ZSWIM8: variants seen among roughly 807,000 people sequenced by gnomAD.
ZSWIM8 encodes zinc finger SWIM-type containing 8, also known as zinc finger SWIM domain-containing protein 8.
Under a neutral mutation model 173.7 loss-of-function variants are expected in ZSWIM8, and 27 were observed. The ratio of observed to expected loss-of-function variants is 0.16; its 90% CI spans 0.11 to 0.21. The LOEUF (loss-of-function observed/expected upper bound fraction) is 0.21, where lower values mean the gene tolerates loss of function less well. Ranked by LOEUF, ZSWIM8 falls within the 10% of genes least tolerant of loss-of-function variation. The probability of loss-of-function intolerance (pLI) is 1.00; values close to 1 mark genes in which losing one functional copy is unlikely to be tolerated. For synonymous variants in ZSWIM8, 958 were observed against 962.0 expected, an observed-to-expected ratio of 1.00 and a Z score of 0.08; for missense variants, 1,627 against 2,428.8, an observed-to-expected ratio of 0.67 and a Z score of 6.94.
intron 15 of ZSWIM8, among the ~76,000 whole-genome samples, chr10:73,796,086 G>T (rs1382789679): frequency 6.6e-6 from 1 of 151,990 alleles, no homozygotes; most frequent in Non-Finnish European, 1.5e-5. Context: ...TTTTAGGCTG[G>T]GTGCAGTGGC....
chr10:73,796,035 A>G (rs2083635479), intron 15 of ZSWIM8, among the ~76,000 whole-genome samples: 3 of 148,908 alleles, frequency 2.0e-5, no homozygotes, highest in Admixed American at 1.3e-4. Flanking sequence ...ACATTTTACT[A>G]CCTTTCTCAG....
chr10:73,792,988 G>A lies in ZSWIM8; in HGVS notation c.2313+136G>A. 9.3e-7 allele frequency: 1 copy of A among 1,069,868 alleles called. No homozygotes were observed. The highest frequency in any genetic ancestry group is 1.3e-6 in the Non-Finnish European group (1 of 760,088). 66.3% of individuals were successfully genotyped at this position (1,069,868 alleles called of 1,614,324 possible). A position where few individuals can be genotyped will look rare whatever the true frequency, so the allele number is the denominator to read the frequency against. ...TTGCAGGCGCCGAACTGGTCTCCCT[G>A]CTTTCAGTCTACTCACTTTTCTGCT... On this transcript the variant is annotated intron_variant, in intron 10 of 25. Coordinates refer to ENST00000604729, the MANE Select transcript of ZSWIM8 (RefSeq NM_001367799.1). The surrounding 1 kb of genome is among the most constrained non-coding windows in gnomAD (Gnocchi z 4.3).
intron 20 of ZSWIM8, 102 bp from the exon 21 acceptor site, chr10:73,798,900 C>T: frequency 6.8e-7 from 1 of 1,468,902 alleles, no homozygotes; most frequent in Non-Finnish European, 9.2e-7. Flanking sequence ...TGATGATTCC[C>T]TGGGAATGAG....
At position 73,791,587 on chromosome 10, in the gene ZSWIM8, AC is replaced by A; in HGVS notation, c.1319+90del. The A allele has an allele frequency of 7.1e-7, 1 of 1,398,848 alleles. No individual in the cohort carries two copies. The highest frequency in any genetic ancestry group is 9.5e-7 in the Non-Finnish European group (1 of 1,054,910). The allele number at this position is 1,398,848 out of a possible 1,614,324, so 86.7% of individuals were successfully genotyped here. The stretch of plus-strand genomic sequence containing the variant: ...TTCATCTCCTTGTTTGCAGAGACAT[AC>A]CATGATTTTAGTCCTCGGGAAACGG... On this transcript the variant is annotated intron_variant, in intron 9 of 25. Coordinates refer to ENST00000604729, the MANE Select transcript of ZSWIM8 (RefSeq NM_001367799.1). This position sits in a 1 kb window ranked among gnomAD's most constrained non-coding sequence, Gnocchi z 6.0.
Position 73,795,558 on chromosome 10 carries a change from C to T in ZSWIM8, c.2928C>T (p.Ser976=), listed in dbSNP as rs529747764. 1.1e-4 allele frequency: 173 copies of T among 1,613,884 alleles called. 2 individuals are homozygous for T. The South Asian group carries it at 1.7e-3, about 16-fold the overall frequency. The change falls in exon 15 of 26, where the codon AGC becomes AGT. Residue 976 remains serine, a synonymous_variant. Transcript: ENST00000604729. ...TCGCAGGCATGAAGACAACAGTGAG[C>T]GAGGCAGAACATCCCCTCTTATGTG... is the stretch of plus-strand genomic sequence containing the variant. ...VAALGMKTTV[S]EAEHPLLCEG... is the part of the protein sequence containing the mutation.
chr10:73,786,147 G>C, intron 1 of ZSWIM8, 61 bp downstream of exon 1: 1 of 1,434,362 alleles, frequency 7.0e-7, no homozygotes. Flanking sequence ...CTCGGGAGCT[G>C]TCCGGGACCA....
Position 73,801,458 on chromosome 10 carries a change from G to C in ZSWIM8, c.5444G>C (p.Ser1815Thr). ...GACATCCTACAGAACCTCAAGCGCAGCAAACAGACCAAGGAGCTGTGGCAG... is the reference window on the plus strand; with the variant it reads ...GACATCCTACAGAACCTCAAGCGCACCAAACAGACCAAGGAGCTGTGGCAG... The part of the protein sequence containing the change: ...FNDILQNLKR[S>T]KQTKELWQRV... Residue 1815 changes from serine to threonine, a missense_variant, in exon 26 of 26, where the codon AGC becomes ACC. Physicochemically the swap from Ser to Thr is moderately conservative, Grantham distance 58. Transcript: ENST00000604729. The surrounding 1 kb of genome is among the most constrained non-coding windows in gnomAD (Gnocchi z 4.9). 6.2e-7 allele frequency: 1 copy of C among 1,613,978 alleles called. No individual in the cohort carries two copies. The highest frequency in any genetic ancestry group is 8.5e-7 in the Non-Finnish European group (1 of 1,179,878).
intron 14 of ZSWIM8, 147 bp from the exon 15 acceptor site, chr10:73,795,392 T>C (rs2083592208): frequency 8.0e-7 from 1 of 1,248,490 alleles, no homozygotes; most frequent in Middle Eastern, 2.2e-4. Context: ...GATATAATAG[T>C]CAACGAAGAC....
At chr10:73,793,054 G>A (rs1436851932) in intron 10 of ZSWIM8, among the ~76,000 whole-genome samples, 2 of 152,200 alleles carry the variant, frequency 1.3e-5, no homozygotes, top group Non-Finnish European at 2.9e-5. Context: ...TCACTCTGCT[G>A]CTTAAAACCC....
Position 73,792,049 on chromosome 10 carries a change from C to G in ZSWIM8, c.1510C>G (p.Leu504Val). ...GVTYSGTDRK[L>V]ALCWARALPS... ...CACCTACAGCGGCACTGACAGGAAG[C>G]TGGCACTGTGCTGGGCCCGGGCCCT... Residue 504 changes from leucine (L) to valine (V), a missense_variant, in exon 10 of 26, where the codon CTG becomes GTG. Leu to Val is a conservative substitution (Grantham distance 32). Around this residue, in one of 18 missense-constraint regions of ZSWIM8, gnomAD observed 383 missense variants for 394.8 expected, o/e 0.97. Transcript: ENST00000604729. This position sits in a 1 kb window ranked among gnomAD's most constrained non-coding sequence, Gnocchi z 4.3. 1 of 1,547,168 alleles carries G rather than the reference C, an allele frequency of 6.5e-7. No homozygotes were observed. The highest frequency in any genetic ancestry group is 8.7e-7 in the Non-Finnish European group (1 of 1,143,962).
chr10:73,798,536 T>C (rs1263370277), intron 20 of ZSWIM8, 83 bp downstream of exon 20: 48 of 1,238,048 alleles, frequency 3.9e-5, no homozygotes, highest in Middle Eastern at 2.2e-4. Context: ...GGCCCAGCTC[T>C]TGATTCCCGT....
Position 73,788,936 on chromosome 10 carries a change from C to G in ZSWIM8, c.362+113C>G. ...ATTTGGGGCAGTGGTAAGAGGAAGA[C>G]AAGGGAGGGATTGCCTGGGATTCCA... On this transcript the variant is annotated intron_variant, in intron 2 of 25. Coordinates refer to ENST00000604729, the MANE Select transcript of ZSWIM8 (RefSeq NM_001367799.1). 6 of 1,488,070 alleles carry G rather than the reference C, an allele frequency of 4.0e-6. No individual in the cohort carries two copies. In the South Asian group the frequency reaches 7.5e-5, roughly 18 times the overall value. 92.2% of individuals were successfully genotyped at this position (1,488,070 alleles called of 1,614,324 possible).
intron 15 of ZSWIM8, 21 bp downstream of exon 15, chr10:73,795,684 G>A (rs1388123762): frequency 1.2e-6 from 2 of 1,606,580 alleles, no homozygotes; most frequent in Non-Finnish European, 8.5e-7. Flanking sequence ...GGGGCTGGGT[G>A]CGGTGGCTCA....
At position 73,789,040 on chromosome 10, in the gene ZSWIM8, G is replaced by A; in HGVS notation, c.363-56G>A. On this transcript the variant is annotated intron_variant, in intron 2 of 25. Coordinates refer to ENST00000604729, the MANE Select transcript of ZSWIM8 (RefSeq NM_001367799.1). The surrounding 1 kb of genome is among the most constrained non-coding windows in gnomAD (Gnocchi z 6.8). ...GCCTAGGGCATTGTGGTCTCTGACA[G>A]GGTCTGCCAAAGGTTATTTGCTGAG... 1.3e-6 allele frequency: 2 copies of A among 1,578,954 alleles called. No individual in the cohort carries two copies. Among genetic ancestry groups the A allele is most frequent in the Admixed American group, 1.7e-5 (1 of 58,650 alleles).
In ZSWIM8 at chr10:73,794,657, C is replaced by A; in HGVS notation, c.2908+18C>A. On this transcript the variant is annotated intron_variant, in intron 14 of 25. Transcript: ENST00000604729. ...TGCCTTGGGTGAGTCTTGAGCATAT[C>A]AACGAGCTAAGCCTGGTTCAGGTCT... is the stretch of plus-strand genomic sequence containing the variant. 1 of 1,544,964 alleles carries A rather than the reference C, an allele frequency of 6.5e-7. No homozygotes were observed. Among genetic ancestry groups the A allele is most frequent in the South Asian group, 1.2e-5 (1 of 83,768 alleles).
intron 20 of ZSWIM8, 64 bp downstream of exon 20, chr10:73,798,517 A>G: frequency 6.9e-7 from 1 of 1,446,416 alleles, no homozygotes; most frequent in Non-Finnish European, 9.5e-7. Flanking sequence ...TGGGCATGGG[A>G]AAGCTAAGGG....
rs377122652 is a variant in ZSWIM8, at chr10:73,789,562, C to T, written c.630+23C>T. 3.8e-5 allele frequency: 61 copies of T among 1,607,486 alleles called. 1 individual carries two copies. In the Middle Eastern group the frequency reaches 1.2e-3, roughly 30 times the overall value. On this transcript the variant is annotated intron_variant, in intron 4 of 25. Transcript: ENST00000604729. The surrounding 1 kb of genome is among the most constrained non-coding windows in gnomAD (Gnocchi z 6.8). Reference sequence around the variant, plus strand: ...AACGTGAGGCCCTCCCAATTTATCCCGGCCCTATCCTACACTCCATCCCCC... The same window carrying T: ...AACGTGAGGCCCTCCCAATTTATCCTGGCCCTATCCTACACTCCATCCCCC...
At chr10:73,794,850 G>C in intron 14 of ZSWIM8, 1 of 403,394 alleles carries the variant, frequency 2.5e-6, no homozygotes, top group Non-Finnish European at 4.5e-6. Flanking sequence ...CGCTTTGGGA[G>C]GCTGAAGCAG....
chr10:73,791,385 C>T lies in ZSWIM8; in HGVS notation c.1205C>T (p.Thr402Met), dbSNP rs996705077. 1.1e-5 allele frequency: 18 copies of T among 1,613,760 alleles called. No individual in the cohort carries two copies. In the East Asian group the frequency reaches 1.6e-4, roughly 14 times the overall value. Reference protein sequence around the residue: ...SASHSSASGHTGRSNGQSEVA... With the variant: ...SASHSSASGHMGRSNGQSEVA... ...TCACACAGCAGTGCCAGTGGGCACA[C>T]GGGCCGTAGCAACGGGCAGTCAGAG... is the stretch of plus-strand genomic sequence containing the variant. The change falls in exon 9 of 26, where the codon ACG becomes ATG. Residue 402 changes from threonine to methionine, a missense_variant. By Grantham distance (81) the Thr-to-Met change is moderately conservative (BLOSUM62 -1). Around this residue, in one of 18 missense-constraint regions of ZSWIM8, gnomAD observed 103 missense variants for 155.6 expected, o/e 0.66. Coordinates refer to ENST00000604729, the MANE Select transcript of ZSWIM8 (RefSeq NM_001367799.1). This position sits in a 1 kb window ranked among gnomAD's most constrained non-coding sequence, Gnocchi z 6.0.
Sources: gnomAD v4.1 joint callset for allele counts (sites outside exome capture counted in the v4.1 genomes callset) on GRCh38, gnomAD v4.1.1 for gene constraint, gnomAD v4.1.1 regional missense constraint, Gnocchi (gnomAD v3.1) non-coding constraint, MANE v1.5 for transcripts, NCBI Gene and HGNC (gene_info 2026-07-23, HGNC 2026-07-21) for gene names.